Variants in PPP1R1C observed in about 807,000 individuals in gnomAD.
PPP1R1C encodes protein phosphatase 1 regulatory subunit 1C.
Under a neutral mutation model 17.4 loss-of-function variants are expected in PPP1R1C, and 15 were observed. The ratio of observed to expected loss-of-function variants is 0.86; its 90% CI spans 0.58 to 1.33. The LOEUF (loss-of-function observed/expected upper bound fraction) is 1.33, where lower values mean the gene tolerates loss of function less well. Ranked by LOEUF, PPP1R1C falls within the 40% of genes most tolerant of loss-of-function variation. The pLI, the probability that PPP1R1C is intolerant of heterozygous loss-of-function variation, is 0.00. For synonymous variants in PPP1R1C, 35 were observed against 43.1 expected, an observed-to-expected ratio of 0.81 and a Z score of 0.73; for missense variants, 143 against 130.0, an observed-to-expected ratio of 1.10 and a Z score of -0.48.
intron 2 of PPP1R1C, among the ~76,000 whole-genome samples, chr2:181,990,145 TTTC>T (rs1365872177): frequency 1.6e-5 from 2 of 124,358 alleles, no homozygotes; most frequent in Non-Finnish European, 3.5e-5. Flanking sequence ...CTTTCTTTTC[TTTC>T]TTTTTTTTTT....
chr2:182,018,575 T>C (rs1267549788), intron 2 of PPP1R1C, among the ~76,000 whole-genome samples: 1 of 152,158 alleles, frequency 6.6e-6, no homozygotes, highest in Non-Finnish European at 1.5e-5. Context: ...AGTGAGAATT[T>C]AGGTGTGTGG....
chr2:182,031,177 A>G lies in PPP1R1C; in HGVS notation c.143-30265A>G, dbSNP rs543094867. 1.5e-3 allele frequency among the ~76,000 whole-genome samples: 230 copies of G among 152,350 alleles called. 1 individual carries two copies. Among genetic ancestry groups the G allele is most frequent in the African/African-American group, 4.5e-3 (188 of 41,590 alleles). On this transcript the variant is annotated intron_variant, in intron 2 of 4. Coordinates refer to ENST00000682840, the MANE Select transcript of PPP1R1C (RefSeq NM_001080545.3). ...AATGCAGAAATCACCTGTCTTCTGC[A>G]TAGCTCACGCTGGGAGCTGTAGACC...
chr2:182,071,963 C>A (rs576225126), intron 4 of PPP1R1C, among the ~76,000 whole-genome samples: 3 of 152,178 alleles, frequency 2.0e-5, no homozygotes, highest in South Asian at 4.1e-4. Context: ...GTCCTAGAAC[C>A]AGCCTTTTCT....
chr2:182,014,818 G>A (rs906340639), intron 2 of PPP1R1C, among the ~76,000 whole-genome samples: 1 of 151,044 alleles, frequency 6.6e-6, no homozygotes, highest in Non-Finnish European at 1.5e-5. Context: ...CTCTCTTTGT[G>A]GCTACCACTT....
chr2:181,959,768 T>C (rs528547485), intron 1 of PPP1R1C, among the ~76,000 whole-genome samples: 3 of 152,176 alleles, frequency 2.0e-5, no homozygotes, highest in East Asian at 1.9e-4. Flanking sequence ...TGGACTGTAA[T>C]TGGAGAAAGC....
At chr2:182,005,974 G>C (rs369764195) in intron 2 of PPP1R1C, among the ~76,000 whole-genome samples, 3 of 152,128 alleles carry the variant, frequency 2.0e-5, no homozygotes, top group African/African-American at 7.2e-5. Context: ...CACAGTATTA[G>C]AGCCAAAAGT....
Position 181,986,089 on chromosome 2 carries a change from C to A in PPP1R1C, c.-22C>A. ...TAGTCTTTCTGAGCTCTTCACATCT[C>A]TGACTAATTATCATCATTACCATGG... On this transcript the variant is annotated 5_prime_UTR_variant, in exon 1 of 5. The change creates a new upstream start codon in the 5' untranslated region. Coordinates refer to ENST00000682840, the MANE Select transcript of PPP1R1C (RefSeq NM_001080545.3). 6.2e-7 allele frequency: 1 copy of A among 1,600,984 alleles called. No individual in the cohort carries two copies. The highest frequency in any genetic ancestry group is 8.6e-7 in the Non-Finnish European group (1 of 1,167,962).
chr2:182,075,154 C>T (rs1364189351), intron 4 of PPP1R1C, among the ~76,000 whole-genome samples: 1 of 152,188 alleles, frequency 6.6e-6, no homozygotes, highest in Non-Finnish European at 1.5e-5. Context: ...GTTGTACTTT[C>T]ATTATCCTTG....
At chr2:182,036,824 G>T (rs573083669) in intron 2 of PPP1R1C, among the ~76,000 whole-genome samples, 14 of 152,260 alleles carry the variant, frequency 9.2e-5, no homozygotes, top group African/African-American at 3.4e-4. Context: ...TGACACATTT[G>T]TAAGTTGTAA....
At position 182,066,958 on chromosome 2, in the gene PPP1R1C, GTGTGTGTGTT is replaced by G. The variant is rs1367585718; in HGVS notation, c.241+3177_241+3186del. ...CCCAATTTTGTGTGTGTGTCTGTGTGTGTGTGTGTTTGTGTGTGTGTGTGTGTGTGTGTGT... is the reference window on the plus strand; with the variant it reads ...CCCAATTTTGTGTGTGTGTCTGTGTGTGTGTGTGTGTGTGTGTGTGTGTGT... On this transcript the variant is annotated intron_variant, in intron 4 of 4. Transcript: ENST00000682840. 1.2e-4 allele frequency among the ~76,000 whole-genome samples: 8 copies of G among 66,912 alleles called. No homozygotes were observed. In the South Asian group the frequency reaches 2.1e-3, roughly 18 times the overall value. 43.9% of individuals were successfully genotyped at this position (66,912 alleles called of 152,430 possible). A position where few individuals can be genotyped will look rare whatever the true frequency, so the allele number is the denominator to read the frequency against.
intron 4 of PPP1R1C, among the ~76,000 whole-genome samples, chr2:182,076,197 C>CT (rs1165789924): frequency 2.7e-4 from 7 of 25,864 alleles, no homozygotes; most frequent in East Asian, 1.5e-3. Context: ...TTTTTCTTTT[C>CT]TTTTTTTTTT....
intron 3 of PPP1R1C, among the ~76,000 whole-genome samples, chr2:182,063,362 A>G (rs1687899271): frequency 6.6e-6 from 1 of 152,086 alleles, no homozygotes; most frequent in African/African-American, 2.4e-5. Context: ...TTCCCTGGAC[A>G]TAGCTTTTGG....
At chr2:182,068,459 A>G (rs1239693794) in intron 4 of PPP1R1C, among the ~76,000 whole-genome samples, 3 of 152,168 alleles carry the variant, frequency 2.0e-5, no homozygotes, top group Non-Finnish European at 4.4e-5. Context: ...TCCCAGTGAG[A>G]CTTGAAAAGT....
At chr2:181,996,372 C>T (rs752365614) in intron 2 of PPP1R1C, among the ~76,000 whole-genome samples, 4 of 152,252 alleles carry the variant, frequency 2.6e-5, no homozygotes, top group African/African-American at 7.2e-5. Context: ...AGTCTGTGTG[C>T]GGTCTCTGCC....
intron 2 of PPP1R1C, among the ~76,000 whole-genome samples, chr2:181,994,022 A>C (rs1013850876): frequency 7.3e-6 from 1 of 137,498 alleles, no homozygotes; most frequent in Non-Finnish European, 1.6e-5. Context: ...GGTAAGAAAA[A>C]AAAAAGATCT....
rs553812177 is a variant in PPP1R1C at position 182,114,607 on chromosome 2, G to T, written c.242-2600G>T. Among the ~76,000 whole-genome samples, 11 of 152,202 alleles carry T rather than the reference G, an allele frequency of 7.2e-5. No homozygotes were observed. The East Asian group carries it at 2.1e-3, about 29-fold the overall frequency. On this transcript the variant is annotated intron_variant, in intron 4 of 4. Transcript: ENST00000682840. Reference sequence around the variant, plus strand: ...GCTTCAAGGCACACATCAACCAATTGTTCATTATCCAATTGAAAGATGGTA... The same window carrying T: ...GCTTCAAGGCACACATCAACCAATTTTTCATTATCCAATTGAAAGATGGTA...
rs1459822495 is a variant in PPP1R1C, at chr2:181,961,766, C to T, written n.111+7132C>T. 1.6e-5 allele frequency: 20 copies of T among 1,268,106 alleles called. No homozygotes were observed. In the Admixed American group the frequency reaches 3.2e-4, roughly 20 times the overall value. The allele number at this position is 1,268,106 out of a possible 1,614,324, so 78.6% of individuals were successfully genotyped here. Reference sequence around the variant, plus strand: ...TTGGCAAGGTCCTGAGATTTGGGGGCATCTACCTCCACGGTCAACTCAGAG... The same window carrying T: ...TTGGCAAGGTCCTGAGATTTGGGGGTATCTACCTCCACGGTCAACTCAGAG... On this transcript the variant is annotated intron_variant and non_coding_transcript_variant, in intron 1 of 5. Transcript: ENST00000464264. The surrounding 1 kb of genome is among the most constrained non-coding windows in gnomAD (Gnocchi z 5.8).
intron 4 of PPP1R1C, among the ~76,000 whole-genome samples, chr2:182,076,419 C>A (rs891028625): frequency 6.6e-6 from 1 of 151,144 alleles, no homozygotes; most frequent in Non-Finnish European, 1.5e-5. Flanking sequence ...GAGAAATCCT[C>A]TCCTACTGTC....
At chr2:182,021,237 C>T (rs1363569579) in intron 2 of PPP1R1C, among the ~76,000 whole-genome samples, 2 of 151,106 alleles carry the variant, frequency 1.3e-5, no homozygotes, top group Non-Finnish European at 2.9e-5. Context: ...GAGGAGTAGA[C>T]CTTTGTGAAG....
Sources: allele counts gnomAD v4.1 joint callset (sites outside exome capture counted in the v4.1 genomes callset), GRCh38; gene constraint gnomAD v4.1.1; non-coding constraint Gnocchi (gnomAD v3.1); transcripts MANE v1.5; gene names NCBI Gene and HGNC (gene_info 2026-07-23, HGNC 2026-07-21).